Variants in SMYD3 observed in about 807,000 individuals in gnomAD.
The protein encoded by SMYD3 is SET and MYND domain containing 3, also known as histone-lysine N-methyltransferase SMYD3.
SMYD3 carries 36 observed loss-of-function variants against 57.7 expected under a neutral mutation model. The observed-to-expected ratio is 0.62, with a 90% CI of 0.48 to 0.82. The LOEUF (loss-of-function observed/expected upper bound fraction) is 0.82. Among genes scored for constraint, SMYD3 ranks in the 40% least tolerant of loss-of-function variants. The pLI, the probability that SMYD3 is intolerant of heterozygous loss-of-function variation, is 0.00. For synonymous variants in SMYD3, 211 were observed against 195.0 expected (o/e 1.08, Z -0.68); for missense variants, 515 against 538.8 (o/e 0.96, Z 0.44).
At chr1:246,506,675 T>C (rs6688614) in intron 1 of SMYD3, among the ~76,000 whole-genome samples, 4,464 of 152,188 alleles carry the variant, frequency 0.029, 232 homozygotes, top group African/African-American at 0.1. Flanking sequence ...GCCCGCCACG[T>C]GTGATTTCCA....
In SMYD3 at chr1:245,894,705, G is replaced by A. The variant is rs148767709; in HGVS notation, c.813+20825C>T. On this transcript the variant is annotated intron_variant, in intron 8 of 11. Transcript: ENST00000490107. Reference sequence around the variant, plus strand: ...TACTAGACTTCCTGAACACTACTGCGTACCTGTGGACCATGTGTTGGGCTG... The same window carrying A: ...TACTAGACTTCCTGAACACTACTGCATACCTGTGGACCATGTGTTGGGCTG... Among the ~76,000 whole-genome samples the A allele has an allele frequency of 4.9e-3, 753 of 152,250 alleles. 3 individuals carry two copies. Among genetic ancestry groups the A allele is most frequent in the African/African-American group, 0.016 (671 of 41,528 alleles).
At chr1:246,282,415 CT>C (rs1168212402) in intron 5 of SMYD3, among the ~76,000 whole-genome samples, 1 of 148,772 alleles carries the variant, frequency 6.7e-6, no homozygotes, top group Non-Finnish European at 1.5e-5. Flanking sequence ...GGAAGGATCG[CT>C]TGATCCCAGG....
intron 5 of SMYD3, among the ~76,000 whole-genome samples, chr1:246,055,561 G>A (rs962817511): frequency 5.3e-5 from 8 of 152,164 alleles, no homozygotes; most frequent in African/African-American, 7.2e-5. Flanking sequence ...ACCTTTGCTC[G>A]CTGCAGTACT....
chr1:246,338,117 C>G (rs1421930455), intron 2 of SMYD3, among the ~76,000 whole-genome samples: 1 of 152,178 alleles, frequency 6.6e-6, no homozygotes, highest in Admixed American at 6.5e-5. Context: ...ATCATTTAGG[C>G]ATAAATAGAG....
chr1:245,843,167 TG>T (rs1482513262), intron 10 of SMYD3, among the ~76,000 whole-genome samples: 1 of 152,112 alleles, frequency 6.6e-6, no homozygotes, highest in Non-Finnish European at 1.5e-5. Flanking sequence ...ATGGCTGCTG[TG>T]GGAACTGCCA....
intron 5 of SMYD3, among the ~76,000 whole-genome samples, chr1:246,249,231 G>A (rs1308377883): frequency 2.0e-5 from 3 of 151,894 alleles, no homozygotes; most frequent in Non-Finnish European, 4.4e-5. Flanking sequence ...AGCCTTCCAA[G>A]TAGCTGGGAG....
intron 1 of SMYD3, among the ~76,000 whole-genome samples, chr1:246,394,877 T>C (rs2066632728): frequency 6.6e-6 from 1 of 151,814 alleles, no homozygotes; most frequent in South Asian, 2.1e-4. Context: ...TATGCTTTCT[T>C]ATATAAGACA....
rs779783058 is a variant in SMYD3, at chr1:245,962,944, C to T, written c.532-33007G>A. Among the ~76,000 whole-genome samples, 67 of 152,176 alleles carry T rather than the reference C, an allele frequency of 4.4e-4. 1 individual carries two copies. The highest frequency in any genetic ancestry group is 7.1e-4 in the Non-Finnish European group (48 of 68,032). The stretch of plus-strand genomic sequence containing the variant: ...GACACGAAGCCTTTCTTTATAAGCT[C>T]TTATAAGACTAGAGACCACTGGATT... On this transcript the variant is annotated intron_variant, in intron 5 of 11. Coordinates refer to ENST00000490107, the MANE Select transcript of SMYD3 (RefSeq NM_001167740.2).
intron 1 of SMYD3, among the ~76,000 whole-genome samples, chr1:246,364,792 C>G (rs892920707): frequency 2.6e-5 from 4 of 152,186 alleles, no homozygotes; most frequent in Non-Finnish European, 5.9e-5. Flanking sequence ...CAGCAACAAG[C>G]CAAACCCAAA....
chr1:245,872,233 C>T (rs2052235599), intron 8 of SMYD3, among the ~76,000 whole-genome samples: 1 of 152,234 alleles, frequency 6.6e-6, no homozygotes, highest in South Asian at 2.1e-4. Context: ...TCATCTATTT[C>T]ATGAAATTGT....
At chr1:246,105,157 C>T (rs2061094984) in intron 5 of SMYD3, among the ~76,000 whole-genome samples, 1 of 152,036 alleles carries the variant, frequency 6.6e-6, no homozygotes, top group Non-Finnish European at 1.5e-5. Context: ...ATGAGGAAGC[C>T]GATCAGACAC....
chr1:245,850,923 G>A (rs553144804), intron 10 of SMYD3, among the ~76,000 whole-genome samples: 2 of 152,060 alleles, frequency 1.3e-5, no homozygotes, highest in Non-Finnish European at 2.9e-5. Context: ...CTGGCTTCTG[G>A]GTACCCTTCC....
chr1:246,056,729 C>T (rs1206806281), intron 5 of SMYD3, among the ~76,000 whole-genome samples: 2 of 151,234 alleles, frequency 1.3e-5, no homozygotes, highest in Non-Finnish European at 2.9e-5. Context: ...ATACATGTAT[C>T]GAAATATCAC....
intron 10 of SMYD3, among the ~76,000 whole-genome samples, chr1:245,843,819 G>A (rs887045143): frequency 6.6e-6 from 1 of 152,124 alleles, no homozygotes; most frequent in Admixed American, 6.5e-5. Context: ...TTTATTTGTG[G>A]CTGAGACTAA....
chr1:246,295,576 CTGTTA>C (rs537697598), intron 5 of SMYD3, among the ~76,000 whole-genome samples: 159 of 152,252 alleles, frequency 1.0e-3, no homozygotes, highest in African/African-American at 3.5e-3. Context: ...TGGTGGTATT[CTGTTA>C]TATTTCTCTC....
At chr1:245,824,107 G>A (rs2049331537) in intron 10 of SMYD3, among the ~76,000 whole-genome samples, 5 of 152,160 alleles carry the variant, frequency 3.3e-5, no homozygotes, top group Admixed American at 1.3e-4. Flanking sequence ...GCTACTTGGG[G>A]TGTCTGAAAG....
chr1:246,128,120 A>T (rs986125697), intron 5 of SMYD3, among the ~76,000 whole-genome samples: 6 of 152,206 alleles, frequency 3.9e-5, no homozygotes, highest in Admixed American at 3.9e-4. Flanking sequence ...CTTGGTAGTA[A>T]CAATAACAAT....
intron 1 of SMYD3, among the ~76,000 whole-genome samples, chr1:246,440,511 A>AT (rs949859031): frequency 2.6e-5 from 4 of 152,142 alleles, no homozygotes; most frequent in African/African-American, 9.7e-5. Context: ...ATGACAGTAT[A>AT]TTTTTTTAAT....
intron 5 of SMYD3, among the ~76,000 whole-genome samples, chr1:246,156,637 G>A (rs2062026829): frequency 2.0e-5 from 3 of 152,196 alleles, no homozygotes. Flanking sequence ...GCCCACAGGA[G>A]CTTAAGAGTC....
Sources: allele counts gnomAD v4.1 joint callset (sites outside exome capture counted in the v4.1 genomes callset), GRCh38; gene constraint gnomAD v4.1.1; transcripts MANE v1.5; gene names NCBI Gene and HGNC (gene_info 2026-07-23, HGNC 2026-07-21).